Variants in CPVL observed in about 807,000 individuals in gnomAD.
The protein encoded by CPVL is probable serine carboxypeptidase CPVL.
A neutral mutation model predicts 63.7 loss-of-function variants in CPVL; 51 were observed. The ratio of observed to expected loss-of-function variants is 0.80; its 90% CI spans 0.64 to 1.01. CPVL has a LOEUF of 1.01. CPVL is among the 50% of genes least tolerant of loss of function. CPVL has a pLI of 0.00. For synonymous variants in CPVL, 195 were observed against 206.0 expected (o/e 0.95, Z 0.46); for missense variants, 530 against 573.1 (o/e 0.92, Z 0.77).
chr7:29,129,158 C>G (rs74330431), intron 1 of CPVL, among the ~76,000 whole-genome samples: 1 of 152,266 alleles, frequency 6.6e-6, no homozygotes, highest in Non-Finnish European at 1.5e-5. Context: ...TAAGAGGCCA[C>G]TGTTATAACC....
chr7:29,110,351 C>G (rs1382350401), intron 3 of CPVL, among the ~76,000 whole-genome samples: 2 of 152,164 alleles, frequency 1.3e-5, no homozygotes, highest in Non-Finnish European at 2.9e-5. Flanking sequence ...TTTCAACCCT[C>G]AACATGGGAA....
intron 1 of CPVL, among the ~76,000 whole-genome samples, chr7:29,131,873 C>T (rs1790739447): frequency 6.6e-6 from 1 of 152,192 alleles, no homozygotes. Flanking sequence ...GCTGACTGGG[C>T]CACTTTGCAA....
chr7:29,066,466 G>C (rs112875881), intron 9 of CPVL, among the ~76,000 whole-genome samples: 6 of 152,326 alleles, frequency 3.9e-5, no homozygotes, highest in African/African-American at 1.4e-4. Context: ...AGTGTCATGT[G>C]TGTGCATGTG....
intron 7 of CPVL, among the ~76,000 whole-genome samples, chr7:29,073,484 C>T (rs1783949326): frequency 6.6e-6 from 1 of 152,090 alleles, no homozygotes; most frequent in Admixed American, 6.5e-5. Context: ...ATGATCTGCT[C>T]CCTTCTCTAC....
chr7:29,099,687 G>C (rs930597386), intron 3 of CPVL, among the ~76,000 whole-genome samples: 2 of 152,178 alleles, frequency 1.3e-5, no homozygotes, highest in Non-Finnish European at 2.9e-5. Context: ...ACTTCAGCCT[G>C]GGCAACAGAA....
At chr7:29,133,726 C>T (rs1003803599) in intron 1 of CPVL, among the ~76,000 whole-genome samples, 2 of 152,086 alleles carry the variant, frequency 1.3e-5, no homozygotes, top group Admixed American at 6.6e-5. Flanking sequence ...GTTATAAATC[C>T]CAATACCCAA....
chr7:29,180,660 TTA>T (rs1282246463), intron 5 of CPVL, among the ~76,000 whole-genome samples: 1 of 152,044 alleles, frequency 6.6e-6, no homozygotes, highest in Admixed American at 6.5e-5. Context: ...CAATTAAAAG[TTA>T]TTATAATTAC....
chr7:29,004,284 A>G (rs1421763296), intron 12 of CPVL, among the ~76,000 whole-genome samples: 1 of 152,202 alleles, frequency 6.6e-6, no homozygotes, highest in African/African-American at 2.4e-5. Flanking sequence ...AAATGAGAAG[A>G]AATCTTGTGA....
intron 11 of CPVL, among the ~76,000 whole-genome samples, chr7:29,046,143 G>A (rs996823956): frequency 6.8e-6 from 1 of 147,300 alleles, no homozygotes; most frequent in Non-Finnish European, 1.5e-5. Flanking sequence ...GGAGTGCAGT[G>A]GCGTGATCGC....
intron 7 of CPVL, 146 bp downstream of exon 7, chr7:29,086,338 G>C: frequency 2.0e-6 from 1 of 504,426 alleles, no homozygotes; most frequent in Non-Finnish European, 3.6e-6. Context: ...ATAATTGGGA[G>C]AATTTTGAAT....
At chr7:29,034,746 C>T (rs1281135479) in intron 11 of CPVL, among the ~76,000 whole-genome samples, 4 of 151,546 alleles carry the variant, frequency 2.6e-5, no homozygotes, top group Non-Finnish European at 5.9e-5. Context: ...CACCATGTTG[C>T]CAAGGCTGCT....
intron 5 of CPVL, among the ~76,000 whole-genome samples, chr7:29,161,027 T>G (rs1024853925): frequency 1.3e-5 from 2 of 152,182 alleles, no homozygotes; most frequent in Non-Finnish European, 2.9e-5. Context: ...TTCTCACCCT[T>G]CTTTTCAACT....
At chr7:29,014,085 G>A (rs984415649) in intron 12 of CPVL, among the ~76,000 whole-genome samples, 1 of 152,194 alleles carries the variant, frequency 6.6e-6, no homozygotes, top group African/African-American at 2.4e-5. Flanking sequence ...TGCTTTTGGA[G>A]GACCTAACCT....
intron 1 of CPVL, among the ~76,000 whole-genome samples, chr7:29,140,635 C>A (rs1791771938): frequency 6.6e-6 from 1 of 152,192 alleles, no homozygotes; most frequent in Non-Finnish European, 1.5e-5. Flanking sequence ...CTTGCTACTT[C>A]TAACTTTGGG....
intron 5 of CPVL, among the ~76,000 whole-genome samples, chr7:29,156,766 T>C (rs1794431319): frequency 6.6e-6 from 1 of 152,242 alleles, no homozygotes; most frequent in Admixed American, 6.5e-5. Context: ...TATCAGATTT[T>C]TAGCTTCTGC....
At chr7:29,125,807 GTAAA>G (rs777103451) in intron 1 of CPVL, among the ~76,000 whole-genome samples, 1 of 152,172 alleles carries the variant, frequency 6.6e-6, no homozygotes, top group Non-Finnish European at 1.5e-5. Flanking sequence ...AAAGGATGGA[GTAAA>G]TAAATAAACA....
intron 5 of CPVL, among the ~76,000 whole-genome samples, chr7:29,157,347 C>G (rs1584467583): frequency 6.6e-6 from 1 of 152,130 alleles, no homozygotes; most frequent in Admixed American, 6.5e-5. Flanking sequence ...ATGCCCAGCC[C>G]CTGCTGGTTT....
intron 9 of CPVL, among the ~76,000 whole-genome samples, chr7:29,070,024 A>G (rs963760589): frequency 5.9e-5 from 9 of 152,152 alleles, no homozygotes; most frequent in African/African-American, 1.9e-4. Flanking sequence ...CAGTCACTGA[A>G]ACACATTTCA....
intron 1 of CPVL, among the ~76,000 whole-genome samples, chr7:29,123,597 GAAAAAAAAAAAAAAAAAAAAAAAA>G (rs778757980): frequency 2.4e-5 from 1 of 41,246 alleles, no homozygotes. Context: ...AACTGGTTCA[GAAAAAAAAAAAAAAAAAAAAAAAA>G]AAAAAAAATA....
Sources: gnomAD v4.1 joint callset for allele counts (sites outside exome capture counted in the v4.1 genomes callset) on GRCh38, gnomAD v4.1.1 for gene constraint, MANE v1.5 for transcripts, NCBI Gene and HGNC (gene_info 2026-07-23, HGNC 2026-07-21) for gene names.